The following ELP4 variants were observed in gnomAD, a reference collection of about 807,000 sequenced individuals.
The protein encoded by ELP4 is elongator acetyltransferase complex subunit 4, also known as elongator complex protein 4.
Under a neutral mutation model 48.9 loss-of-function variants are expected in ELP4, and 51 were observed. The ratio of observed to expected loss-of-function variants is 1.04; its 90% CI spans 0.83 to 1.32. The LOEUF is 1.32. Among genes scored for constraint, ELP4 ranks in the 40% most tolerant of loss-of-function variants. The probability of loss-of-function intolerance (pLI) is 0.00; values close to 1 mark genes in which losing one functional copy is unlikely to be tolerated. For missense variants in ELP4, 519 were observed against 514.6 expected (o/e 1.01, Z -0.08); for synonymous variants, 210 against 189.2 (o/e 1.11, Z -0.90).
At chr11:31,726,666 A>G (rs1947081800) in intron 9 of ELP4, among the ~76,000 whole-genome samples, 1 of 152,224 alleles carries the variant, frequency 6.6e-6, no homozygotes, top group Non-Finnish European at 1.5e-5. Flanking sequence ...AAGAAAAAAA[A>G]AAGGGAATCC....
At chr11:31,555,221 T>A (rs2973124) in intron 3 of ELP4, among the ~76,000 whole-genome samples, 8 of 152,166 alleles carry the variant, frequency 5.3e-5, no homozygotes, top group Non-Finnish European at 1.2e-4. Flanking sequence ...TCGGTTGATA[T>A]GCAAGGGGTA....
chr11:31,738,242 A>G (rs1947364409), intron 9 of ELP4, among the ~76,000 whole-genome samples: 2 of 149,556 alleles, frequency 1.3e-5, no homozygotes, highest in Admixed American at 1.3e-4. Flanking sequence ...CAAAAAAAAA[A>G]AAAAAAAAAA....
intron 1 of ELP4, chr11:31,512,327 C>T (rs1956024329): frequency 6.6e-6 from 1 of 152,042 alleles, no homozygotes; most frequent in South Asian, 2.1e-4. Flanking sequence ...ACTACTGCCA[C>T]CGTGACGTCA....
intron 3 of ELP4, among the ~76,000 whole-genome samples, chr11:31,582,588 T>G (rs1957409327): frequency 6.6e-6 from 1 of 152,234 alleles, no homozygotes; most frequent in South Asian, 2.1e-4. Context: ...TCATTTGTTT[T>G]AGTCCTTGAA....
intron 4 of ELP4, among the ~76,000 whole-genome samples, chr11:31,597,592 A>G (rs1490707557): frequency 7.9e-6 from 1 of 127,226 alleles, no homozygotes. Context: ...AGAGTCAGTA[A>G]TGAACCTAAA....
intron 9 of ELP4, among the ~76,000 whole-genome samples, chr11:31,657,368 C>T (rs1424316110): frequency 6.6e-6 from 1 of 151,938 alleles, no homozygotes; most frequent in Non-Finnish European, 1.5e-5. Context: ...ATGTACTGTT[C>T]GAATTCTCAG....
intron 9 of ELP4, chr11:31,763,342 CT>C: frequency 7.2e-7 from 1 of 1,398,448 alleles, no homozygotes; most frequent in Admixed American, 2.3e-5. Flanking sequence ...CTTTTTCCCC[CT>C]CTAATCCTTC....
chr11:31,716,954 A>G (rs1946853969), intron 9 of ELP4, among the ~76,000 whole-genome samples: 2 of 152,242 alleles, frequency 1.3e-5, no homozygotes, highest in African/African-American at 4.8e-5. Context: ...GGACTAGAAT[A>G]ATGGATGAGA....
chr11:31,554,045 C>T (rs1407723), intron 3 of ELP4, among the ~76,000 whole-genome samples: 5,183 of 152,258 alleles, frequency 0.034, 144 homozygotes, highest in Non-Finnish European at 0.048. Flanking sequence ...ATCTAGGTTA[C>T]GCACTCCGAA....
rs376501830 is a variant in ELP4 at position 31,747,333 on chromosome 11, C to T, written c.1144-36060C>T. 4.6e-5 allele frequency among the ~76,000 whole-genome samples: 7 copies of T among 152,116 alleles called. No homozygotes were observed. In the East Asian group the frequency reaches 7.7e-4, roughly 17 times the overall value. ...TGATGTGAGGGCTCCATATAATTAG[C>T]TTAAGAGAACTTAAAGAATGATCCC... On this transcript the variant is annotated intron_variant, in intron 9 of 9. Transcript: ENST00000640961.
At chr11:31,744,006 A>ATTCT (rs1947519784) in intron 9 of ELP4, among the ~76,000 whole-genome samples, 1 of 152,214 alleles carries the variant, frequency 6.6e-6, no homozygotes, top group African/African-American at 2.4e-5. Flanking sequence ...AAGACCAATA[A>ATTCT]AGAAGAAAAG....
intron 9 of ELP4, chr11:31,663,291 A>G (rs1167881170): frequency 6.6e-6 from 1 of 152,042 alleles, no homozygotes; most frequent in Admixed American, 6.6e-5. Flanking sequence ...TTGAATTCTG[A>G]AATTAAAATC....
intron 9 of ELP4, among the ~76,000 whole-genome samples, chr11:31,733,464 G>A (rs1316959340): frequency 5.1e-5 from 6 of 117,372 alleles, no homozygotes; most frequent in African/African-American, 2.2e-4. Flanking sequence ...GTGACAGAGT[G>A]AGACTCCATC....
chr11:31,624,649 T>C (rs1443869781), intron 5 of ELP4, among the ~76,000 whole-genome samples: 2 of 151,832 alleles, frequency 1.3e-5, no homozygotes, highest in Non-Finnish European at 2.9e-5. Flanking sequence ...AAATTCACCT[T>C]AGCTTCTGTA....
intron 5 of ELP4, among the ~76,000 whole-genome samples, chr11:31,606,274 T>C (rs1957872868): frequency 6.6e-6 from 1 of 152,124 alleles, no homozygotes; most frequent in African/African-American, 2.4e-5. Context: ...GAGATTTATT[T>C]TAATTTATGA....
intron 9 of ELP4, among the ~76,000 whole-genome samples, chr11:31,696,141 G>A (rs938390264): frequency 3.3e-5 from 5 of 151,820 alleles, no homozygotes; most frequent in African/African-American, 4.8e-5. Context: ...TTGATTTTTC[G>A]AAGGGTTTTT....
chr11:31,520,191 C>T, intron 2 of ELP4, 100 bp downstream of exon 2: 2 of 990,880 alleles, frequency 2.0e-6, no homozygotes, highest in Non-Finnish European at 1.5e-6. Flanking sequence ...AAATCACTAA[C>T]ACGACAGAAG....
intron 9 of ELP4, chr11:31,664,343 G>C (rs1440371541): frequency 6.6e-6 from 1 of 152,074 alleles, no homozygotes; most frequent in South Asian, 2.1e-4. Flanking sequence ...AATACTGAGT[G>C]ACAAGTGCAT....
At chr11:31,722,902 A>T (rs1592254062) in intron 9 of ELP4, among the ~76,000 whole-genome samples, 1 of 152,134 alleles carries the variant, frequency 6.6e-6, no homozygotes, top group Non-Finnish European at 1.5e-5. Context: ...CCAGCCACTG[A>T]GCTGACGGGC....
Sources: allele counts gnomAD v4.1 joint callset (sites outside exome capture counted in the v4.1 genomes callset), GRCh38; gene constraint gnomAD v4.1.1; transcripts MANE v1.5; gene names NCBI Gene and HGNC (gene_info 2026-07-23, HGNC 2026-07-21).